Variants in SCAF1 observed in about 807,000 individuals in gnomAD.
SCAF1 encodes splicing factor, arginine/serine-rich 19.
SCAF1 carries 28 observed loss-of-function variants against 91.2 expected under a neutral mutation model. The observed-to-expected ratio is 0.31, with a 90% CI of 0.23 to 0.42. SCAF1 has a LOEUF of 0.42. SCAF1 is among the 10% of genes least tolerant of loss of function. SCAF1 has a pLI of 1.00. For synonymous variants in SCAF1, 1,036 were observed against 833.7 expected, an observed-to-expected ratio of 1.24 and a Z score of -4.18; for missense variants, 1,893 against 1,872.1, an observed-to-expected ratio of 1.01 and a Z score of -0.21.
chr19:49,656,965 G>A (rs1320822305), intron 9 of SCAF1, among the ~76,000 whole-genome samples: 2 of 152,062 alleles, frequency 1.3e-5, no homozygotes, highest in African/African-American at 4.8e-5. Flanking sequence ...GATCAGCTTG[G>A]GCAACATAGT....
intron 6 of SCAF1, among the ~76,000 whole-genome samples, chr19:49,650,142 T>C (rs1049483305): frequency 2.0e-5 from 3 of 152,186 alleles, no homozygotes; most frequent in African/African-American, 7.2e-5. Context: ...CCTTTGTCAT[T>C]GCCACTGTCA....
At chr19:49,643,999 G>C (rs1460568205) in intron 1 of SCAF1, among the ~76,000 whole-genome samples, 1 of 152,232 alleles carries the variant, frequency 6.6e-6, no homozygotes, top group African/African-American at 2.4e-5. Context: ...GGCTAATAGT[G>C]TCATTCCTCT....
chr19:49,646,924 T>G lies in SCAF1; in HGVS notation c.478+94T>G. ...GTGATGGTAGCGGTGATCATGTTAT[T>G]TAGACAAAACCTTTCCCTTCTCTTC... On this transcript the variant is annotated intron_variant, in intron 6 of 10. Transcript: ENST00000360565. This position sits in a 1 kb window ranked among gnomAD's most constrained non-coding sequence, Gnocchi z 5.6. The G allele has an allele frequency of 1.1e-6, 1 of 903,656 alleles. No individual in the cohort carries two copies. The highest frequency in any genetic ancestry group is 1.7e-6 in the Non-Finnish European group (1 of 599,692). 56.0% of individuals were successfully genotyped at this position (903,656 alleles called of 1,614,324 possible).
chr19:49,650,757 C>A, intron 6 of SCAF1, 111 bp from the exon 7 acceptor site: 2 of 772,550 alleles, frequency 2.6e-6, no homozygotes, highest in Non-Finnish European at 4.2e-6. Flanking sequence ...GCACTTGGGG[C>A]TTCCTGGGCA....
chr19:49,655,280 T>A (rs1001511612), intron 9 of SCAF1, among the ~76,000 whole-genome samples: 4 of 152,182 alleles, frequency 2.6e-5, no homozygotes, highest in Non-Finnish European at 1.5e-5. Context: ...CAGACAGTAA[T>A]GTAGGTTCTT....
chr19:49,648,987 A>G (rs1341998984), intron 6 of SCAF1, among the ~76,000 whole-genome samples: 1 of 151,942 alleles, frequency 6.6e-6, no homozygotes, highest in African/African-American at 2.4e-5. Flanking sequence ...AAAAAAAAAA[A>G]AATCAGAAGC....
chr19:49,651,456 G>A lies in SCAF1; in HGVS notation c.1067G>A (p.Gly356Glu), dbSNP rs778698101. The A allele has an allele frequency of 6.9e-6, 11 of 1,591,834 alleles. No individual in the cohort carries two copies. Among genetic ancestry groups the A allele is most frequent in the Admixed American group, 3.5e-5 (2 of 57,434 alleles). ...ATGCGCCGGCGGGTCTTCGTGGTGGGGACCGAGGCAGAGGCTTGTCGGGAA... is the reference window on the plus strand; with the variant it reads ...ATGCGCCGGCGGGTCTTCGTGGTGGAGACCGAGGCAGAGGCTTGTCGGGAA... ...GAMRRRVFVV[G>E]TEAEACREGK... Residue 356 changes from glycine to glutamate, a missense_variant, in exon 7 of 11, where the codon GGG becomes GAG. Gly to Glu is a moderately conservative substitution (Grantham distance 98). Transcript: ENST00000360565.
Position 49,654,706 on chromosome 19 carries a change from C to A in SCAF1, c.3454C>A (p.Pro1152Thr). Reference sequence around the variant, plus strand: ...TCTGGGGATGACCCCAGCTCCTGTGCCCACCTCTTTGGGTCTGCCCCCTGG... The same window carrying A: ...TCTGGGGATGACCCCAGCTCCTGTGACCACCTCTTTGGGTCTGCCCCCTGG... ...SSLGMTPAPV[P>T]TSLGLPPGPS... Residue 1152 changes from proline (P) to threonine (T), a missense_variant, in exon 9 of 11, where the codon CCC becomes ACC. Pro to Thr is a conservative substitution (Grantham distance 38). Around this residue, in one of 5 missense-constraint regions of SCAF1, gnomAD observed 1,436 missense variants for 1,306.8 expected, o/e 1.10. Transcript: ENST00000360565. 2 of 1,614,130 alleles carry A rather than the reference C, an allele frequency of 1.2e-6. No individual in the cohort carries two copies. The highest frequency in any genetic ancestry group is 1.7e-6 in the Non-Finnish European group (2 of 1,180,000).
intron 7 of SCAF1, 85 bp downstream of exon 7, chr19:49,653,790 G>C: frequency 7.6e-7 from 1 of 1,310,782 alleles, no homozygotes; most frequent in Non-Finnish European, 1.0e-6. Context: ...GCAGTGGGGT[G>C]CCCTGGCAGG....
In SCAF1 at chr19:49,653,014, C is replaced by T; in HGVS notation, c.2625C>T (p.Pro875=). The change falls in exon 7 of 11, where the codon CCC becomes CCT. Residue 875 remains proline, a synonymous_variant. Transcript: ENST00000360565. The part of the protein sequence containing the change: ...KFSRDRESRS[P]FLKPDERAPT... ...GCCGTGACCGCGAGAGTCGCTCCCC[C>T]TTCCTCAAACCTGACGAGCGGGCCC... The T allele has an allele frequency of 8.7e-6, 14 of 1,614,038 alleles. No homozygotes were observed. Among genetic ancestry groups the T allele is most frequent in the African/African-American group, 1.3e-5 (1 of 75,060 alleles).
Position 49,653,010 on chromosome 19 carries a change from C to G in SCAF1, c.2621C>G (p.Ser874Cys). 1 of 1,613,994 alleles carries G rather than the reference C, an allele frequency of 6.2e-7. No individual in the cohort carries two copies. The highest frequency in any genetic ancestry group is 8.5e-7 in the Non-Finnish European group (1 of 1,180,024). ...VKFSRDRESR[S>C]PFLKPDERAP... The stretch of plus-strand genomic sequence containing the variant: ...TTCAGCCGTGACCGCGAGAGTCGCT[C>G]CCCCTTCCTCAAACCTGACGAGCGG... Residue 874 changes from serine to cysteine, a missense_variant, in exon 7 of 11, where the codon TCC becomes TGC. Around this residue, in one of 5 missense-constraint regions of SCAF1, gnomAD observed 1,436 missense variants for 1,306.8 expected, o/e 1.10. Coordinates refer to ENST00000360565, the MANE Select transcript of SCAF1 (RefSeq NM_021228.3).
At chr19:49,657,685 G>C in intron 9 of SCAF1, 76 bp from the exon 10 acceptor site, 1 of 1,510,026 alleles carries the variant, frequency 6.6e-7, no homozygotes, top group Middle Eastern at 2.1e-4. Context: ...TGGCAGCAGA[G>C]GCGAGTGGAG....
In SCAF1 at chr19:49,645,775, G is replaced by A. The variant is rs758314843; in HGVS notation, c.167-333G>A. On this transcript the variant is annotated intron_variant, in intron 3 of 10. Transcript: ENST00000360565. This position sits in a 1 kb window ranked among gnomAD's most constrained non-coding sequence, Gnocchi z 4.6. ...AGGCCTACAGCACGGGTGCAGCGGCGAGGGGCTGCGCTGGGCTTCCTTGGG... is the reference window on the plus strand; with the variant it reads ...AGGCCTACAGCACGGGTGCAGCGGCAAGGGGCTGCGCTGGGCTTCCTTGGG... 5.6e-4 allele frequency among the ~76,000 whole-genome samples: 85 copies of A among 152,296 alleles called. 1 individual carries two copies. Among genetic ancestry groups the A allele is most frequent in the Non-Finnish European group, 1.1e-3 (77 of 68,012 alleles).
chr19:49,658,536 T>TGCCCTGCCCC lies in SCAF1; in HGVS notation c.*139_*148dup. The TGCCCTGCCCC allele has an allele frequency of 1.6e-6, 1 of 624,912 alleles. No individual in the cohort carries two copies. Among genetic ancestry groups the TGCCCTGCCCC allele is most frequent in the Non-Finnish European group, 2.8e-6 (1 of 355,584 alleles). The allele number at this position is 624,912 out of a possible 1,614,324, so 38.7% of individuals were successfully genotyped here. A position where few individuals can be genotyped will look rare whatever the true frequency, so the allele number is the denominator to read the frequency against. On this transcript the variant is annotated 3_prime_UTR_variant, in exon 11 of 11. Transcript: ENST00000360565. ...CAGGGAAGAGGAGAGCCCCCTGCCC[T>TGCCCTGCCCC]GCCCTGCCCCGTGTCCACCTCCCTT... is the stretch of plus-strand genomic sequence containing the variant.
intron 9 of SCAF1, among the ~76,000 whole-genome samples, chr19:49,655,453 G>C (rs975492288): frequency 3.3e-5 from 5 of 152,132 alleles, no homozygotes; most frequent in African/African-American, 1.2e-4. Context: ...TGCAGCCTCC[G>C]CCTCCAGGGT....
intron 6 of SCAF1, among the ~76,000 whole-genome samples, chr19:49,650,028 A>G (rs974970228): frequency 9.2e-5 from 14 of 152,152 alleles, no homozygotes; most frequent in African/African-American, 2.4e-5. Flanking sequence ...CCATCGTGTG[A>G]CTGTGGCATC....
Position 49,652,384 on chromosome 19 carries a change from C to A in SCAF1, c.1995C>A (p.Pro665=). ...ATGGCAGCGAGAAGGCCCCGGCGCC[C>A]GCCCCGCCGCCCTCTGGCTCCACCT... ...SGDGSEKAPA[P]APPPSGSTSC... Residue 665 remains proline, a synonymous_variant, in exon 7 of 11, where the codon CCC becomes CCA. Transcript: ENST00000360565. The A allele has an allele frequency of 6.4e-7, 1 of 1,552,754 alleles. No individual in the cohort carries two copies.
chr19:49,652,442 G>A lies in SCAF1; in HGVS notation c.2053G>A (p.Ala685Thr), dbSNP rs1258999760. 1.2e-6 allele frequency: 2 copies of A among 1,601,170 alleles called. No individual in the cohort carries two copies. Among genetic ancestry groups the A allele is most frequent in the Non-Finnish European group, 8.5e-7 (1 of 1,177,850 alleles). Residue 685 changes from alanine (A) to threonine (T), a missense_variant, in exon 7 of 11, where the codon GCC (alanine) becomes ACC (threonine). Ala to Thr is a moderately conservative substitution (Grantham distance 58). Coordinates refer to ENST00000360565, the MANE Select transcript of SCAF1 (RefSeq NM_021228.3). ...TGACCGCGACAGCCGCCGCCGGGGG[G>A]CCGTGCCACCCTCCATCCAGGACCT... ...CGDRDSRRRG[A>T]VPPSIQDLTD...
Position 49,646,959 on chromosome 19 carries a change from G to A in SCAF1, c.478+129G>A, listed in dbSNP as rs989043276. ...CCTTTCCCTTCTCTTCGTATTAGAC[G>A]TGATTAAGGCTGTAGGCGCATACAG... On this transcript the variant is annotated intron_variant, in intron 6 of 10. Transcript: ENST00000360565. The surrounding 1 kb of genome is among the most constrained non-coding windows in gnomAD (Gnocchi z 5.6). 5.1e-5 allele frequency: 35 copies of A among 692,292 alleles called. No individual in the cohort carries two copies. Among genetic ancestry groups the A allele is most frequent in the African/African-American group, 2.7e-4 (15 of 55,616 alleles). The allele number at this position is 692,292 out of a possible 1,614,324, so 42.9% of individuals were successfully genotyped here. A position where few individuals can be genotyped will look rare whatever the true frequency, so the allele number is the denominator to read the frequency against.
Sources: allele counts gnomAD v4.1 joint callset (sites outside exome capture counted in the v4.1 genomes callset), GRCh38; gene constraint gnomAD v4.1.1; regional missense constraint gnomAD v4.1.1; non-coding constraint Gnocchi (gnomAD v3.1); transcripts MANE v1.5; gene names NCBI Gene and HGNC (gene_info 2026-07-23, HGNC 2026-07-21).